Variants in C12orf60 observed in about 807,000 individuals in gnomAD.
C12orf60 encodes uncharacterized protein C12orf60.
For synonymous variants in C12orf60, 102 were observed against 94.6 expected, an observed-to-expected ratio of 1.08 and a Z score of -0.45; for missense variants, 284 against 283.2, an observed-to-expected ratio of 1.00 and a Z score of -0.02.
chr12:14,817,802 T>G lies in C12orf60; in HGVS notation c.-24-5110T>G, dbSNP rs981529361. On this transcript the variant is annotated intron_variant, in intron 1 of 1. Transcript: ENST00000330828. ...GCTGCAATAAACATACATGTGCATGTGTCTTCATAGTAGCATGATTTATAA... is the reference window on the plus strand; with the variant it reads ...GCTGCAATAAACATACATGTGCATGGGTCTTCATAGTAGCATGATTTATAA... 8.5e-5 allele frequency among the ~76,000 whole-genome samples: 13 copies of G among 152,140 alleles called. No individual in the cohort carries two copies. The East Asian group carries it at 1.9e-3, about 23-fold the overall frequency.
At chr12:14,821,763 C>T (rs761013408) in intron 1 of C12orf60, among the ~76,000 whole-genome samples, 2 of 151,846 alleles carry the variant, frequency 1.3e-5, no homozygotes, top group South Asian at 4.2e-4. Flanking sequence ...TCCTGGTGTT[C>T]TGGCTAGAAA....
At chr12:14,811,202 G>T (rs560624971) in intron 1 of C12orf60, among the ~76,000 whole-genome samples, 51 of 152,330 alleles carry the variant, frequency 3.3e-4, no homozygotes, top group African/African-American at 1.1e-3. Flanking sequence ...TTTGTACAGA[G>T]TTTGTGCTAT....
chr12:14,820,870 T>C (rs898217213), intron 1 of C12orf60, among the ~76,000 whole-genome samples: 1 of 152,118 alleles, frequency 6.6e-6, no homozygotes, highest in African/African-American at 2.4e-5. Context: ...TTTACAGTTG[T>C]AAGTGTAGAG....
chr12:14,823,896 G>T lies in C12orf60; in HGVS notation c.*223G>T. 2.9e-6 allele frequency: 1 copy of T among 350,714 alleles called. No homozygotes were observed. The highest frequency in any genetic ancestry group is 4.8e-5 in the East Asian group (1 of 20,998). 21.7% of individuals were successfully genotyped at this position (350,714 alleles called of 1,614,324 possible). A position where few individuals can be genotyped will look rare whatever the true frequency, so the allele number is the denominator to read the frequency against. On this transcript the variant is annotated 3_prime_UTR_variant, in exon 2 of 2. Transcript: ENST00000330828. ...TGTCAGTCACTAAGAAGAATATATT[G>T]TTGAAAAAAACAAAGTGGTATTACA...
rs774432034 is a variant in C12orf60, at chr12:14,823,312, T to C, written c.377T>C (p.Val126Ala). ...GCCCATACGCCAGTCATCATCTCTG[T>C]GCTAAACAGCAGTAACATCCTTGGG... ...KSAHTPVIIS[V>A]LNSSNILGSL... is the part of the protein sequence containing the mutation. Residue 126 changes from valine to alanine, a missense_variant, in exon 2 of 2, where the codon GTG (valine) becomes GCG (alanine). Coordinates refer to ENST00000330828, the MANE Select transcript of C12orf60 (RefSeq NM_175874.4). 3.1e-6 allele frequency: 5 copies of C among 1,614,062 alleles called. No individual in the cohort carries two copies. The highest frequency in any genetic ancestry group is 3.3e-5 in the Admixed American group (2 of 60,010).
At chr12:14,810,457 T>C (rs1046232107) in intron 1 of C12orf60, among the ~76,000 whole-genome samples, 2 of 152,254 alleles carry the variant, frequency 1.3e-5, no homozygotes, top group African/African-American at 4.8e-5. Context: ...TAAGGTCATA[T>C]GCCAGCACCA....
intron 1 of C12orf60, among the ~76,000 whole-genome samples, chr12:14,812,894 A>G (rs190066811): frequency 6.6e-6 from 1 of 152,144 alleles, no homozygotes; most frequent in Non-Finnish European, 1.5e-5. Context: ...CCAGTCAAAG[A>G]TGGTCCTGTT....
chr12:14,823,158 G>T lies in C12orf60; in HGVS notation c.223G>T (p.Asp75Tyr). 2 of 1,614,148 alleles carry T rather than the reference G, an allele frequency of 1.2e-6. No individual in the cohort carries two copies. The highest frequency in any genetic ancestry group is 1.7e-6 in the Non-Finnish European group (2 of 1,180,030). ...TTTTAAGGAGATGCAATCTGTAGTG[G>T]ATGCAAGACATGACAAAATTCAAAA... The part of the protein sequence containing the change: ...KIFKEMQSVV[D>Y]ARHDKIQKES... The change falls in exon 2 of 2, where the codon GAT becomes TAT. Residue 75 changes from aspartate (D) to tyrosine (Y), a missense_variant. Asp to Tyr is a radical substitution (Grantham distance 160). Coordinates refer to ENST00000330828, the MANE Select transcript of C12orf60 (RefSeq NM_175874.4).
rs769762859 is a variant in C12orf60, at chr12:14,823,412, A to G, written c.477A>G (p.Glu159=). Residue 159 remains glutamate, a synonymous_variant, in exon 2 of 2, where the codon GAA becomes GAG. Transcript: ENST00000330828. The part of the protein sequence containing the change: ...MNLQLSDFYT[E]DTKEQSDVTT... ...TTCAATTAAGTGACTTCTATACAGA[A>G]GACACCAAAGAGCAATCAGATGTCA... The G allele has an allele frequency of 1.2e-6, 2 of 1,614,136 alleles. No individual in the cohort carries two copies. The highest frequency in any genetic ancestry group is 1.7e-6 in the Non-Finnish European group (2 of 1,180,008).
At chr12:14,814,816 CAA>C (rs1397715999) in intron 1 of C12orf60, among the ~76,000 whole-genome samples, 2 of 152,192 alleles carry the variant, frequency 1.3e-5, no homozygotes, top group South Asian at 2.1e-4. Context: ...TCCTCCACAG[CAA>C]AGACACCTGA....
intron 1 of C12orf60, among the ~76,000 whole-genome samples, chr12:14,819,602 G>T (rs12811044): frequency 0.17 from 25,985 of 152,038 alleles, 2,530 homozygotes; most frequent in African/African-American, 0.26. Flanking sequence ...CAATCCTGGG[G>T]GGTAGCAACT....
chr12:14,817,936 C>T (rs568049000), intron 1 of C12orf60, among the ~76,000 whole-genome samples: 49 of 152,330 alleles, frequency 3.2e-4, no homozygotes, highest in Admixed American at 6.5e-4. Context: ...AACTAATTTA[C>T]ATTCCCACTA....
chr12:14,815,270 T>G (rs1344932403), intron 1 of C12orf60, among the ~76,000 whole-genome samples: 1 of 152,212 alleles, frequency 6.6e-6, no homozygotes, highest in African/African-American at 2.4e-5. Flanking sequence ...TTGCCCTTGA[T>G]GTATCCAGGG....
At chr12:14,804,577 A>G (rs1214936888) in intron 1 of C12orf60, 1 of 152,234 alleles carries the variant, frequency 6.6e-6, no homozygotes, top group Non-Finnish European at 1.5e-5. Flanking sequence ...GAGTGTCAGA[A>G]AGCAATGACG....
At chr12:14,817,351 GT>G (rs915742841) in intron 1 of C12orf60, among the ~76,000 whole-genome samples, 1 of 151,916 alleles carries the variant, frequency 6.6e-6, no homozygotes, top group African/African-American at 2.4e-5. Context: ...TTTGTTTTTT[GT>G]TTTTATTTAT....
chr12:14,821,745 G>T (rs921071697), intron 1 of C12orf60, among the ~76,000 whole-genome samples: 3 of 151,542 alleles, frequency 2.0e-5, no homozygotes, highest in Admixed American at 6.6e-5. Flanking sequence ...ATTCCCGGGG[G>T]TCCCCTTTCC....
In C12orf60 at chr12:14,822,905, T is replaced by A. The variant is rs780337518; in HGVS notation, c.-24-7T>A. On this transcript the variant is annotated splice_polypyrimidine_tract_variant and splice_region_variant and intron_variant, in intron 1 of 1. Coordinates refer to ENST00000330828, the MANE Select transcript of C12orf60 (RefSeq NM_175874.4). ...TTTTTCATTTGGATTACTGCTTTGC[T>A]TTGCAGTGTTGGAACTTATTTGTTG... 4.6e-6 allele frequency: 7 copies of A among 1,530,312 alleles called. No homozygotes were observed. The South Asian group carries it at 9.1e-5, about 20-fold the overall frequency. The allele number at this position is 1,530,312 out of a possible 1,614,324, so 94.8% of individuals were successfully genotyped here.
intron 1 of C12orf60, among the ~76,000 whole-genome samples, chr12:14,812,877 A>G (rs544283752): frequency 1.2e-4 from 18 of 152,292 alleles, no homozygotes; most frequent in Non-Finnish European, 2.2e-4. Context: ...TAGTGCTGGT[A>G]TATTTCCCAG....
chr12:14,804,062 T>C (rs1319011000), intron 1 of C12orf60, among the ~76,000 whole-genome samples: 1 of 152,228 alleles, frequency 6.6e-6, no homozygotes, highest in Non-Finnish European at 1.5e-5. Flanking sequence ...GAGTCGCAGA[T>C]TGCTTATATG....
Sources: allele counts gnomAD v4.1 joint callset (sites outside exome capture counted in the v4.1 genomes callset), GRCh38; gene constraint gnomAD v4.1.1; transcripts MANE v1.5; gene names NCBI Gene and HGNC (gene_info 2026-07-23, HGNC 2026-07-21).